Variants in SCML2 observed in about 807,000 individuals in gnomAD.
SCML2 encodes sex comb on midleg-like protein 2.
In SCML2, 6 loss-of-function variants were observed where a neutral mutation model predicts 48.4. The ratio of observed to expected loss-of-function variants is 0.12; its 90% CI spans 0.07 to 0.24. The LOEUF (loss-of-function observed/expected upper bound fraction) is 0.24, where lower values mean the gene tolerates loss of function less well. Ranked by LOEUF, SCML2 falls within the 10% of genes least tolerant of loss-of-function variation. The pLI, the probability that SCML2 is intolerant of heterozygous loss-of-function variation, is 1.00. For missense variants in SCML2, 377 were observed against 528.2 expected, an observed-to-expected ratio of 0.71 and a Z score of 2.81; for synonymous variants, 181 against 189.5, an observed-to-expected ratio of 0.95 and a Z score of 0.37.
At chrX:18,347,358 T>C (rs1335106112) in intron 1 of SCML2, among the ~76,000 whole-genome samples, 3 of 107,752 alleles carry the variant, frequency 2.8e-5, no homozygotes, top group African/African-American at 1.0e-4. Flanking sequence ...GACAGGAGAA[T>C]CGCTTGAATC....
At chrX:18,338,095 T>C (rs764792821) in intron 1 of SCML2, among the ~76,000 whole-genome samples, 12 of 112,023 alleles carry the variant, frequency 1.1e-4, no homozygotes, top group Non-Finnish European at 2.1e-4. Context: ...AATTTGTCCA[T>C]TGCAATGAAA....
intron 8 of SCML2, among the ~76,000 whole-genome samples, chrX:18,264,031 ATTCTGTTTGC>A (rs755339873): frequency 2.8e-4 from 25 of 89,817 alleles, no homozygotes; most frequent in African/African-American, 1.0e-3. Context: ...CTTTGTGCTT[ATTCTGTTTGC>A]TCTTGGCTGA....
chrX:18,302,925 TATATAAC>T (rs1384665956), intron 7 of SCML2, among the ~76,000 whole-genome samples: 1 of 111,895 alleles, frequency 8.9e-6, no homozygotes, highest in East Asian at 2.8e-4. Context: ...AACAGTGACT[TATATAAC>T]ATAGAAGTTT....
intron 1 of SCML2, among the ~76,000 whole-genome samples, chrX:18,349,003 A>G (rs757749868): frequency 6.2e-5 from 7 of 112,500 alleles, no homozygotes; most frequent in African/African-American, 2.3e-4. Flanking sequence ...ATACCAAACA[A>G]ATGGAGCTGT....
chrX:18,269,488 A>C (rs922221081), intron 7 of SCML2, among the ~76,000 whole-genome samples: 5 of 112,017 alleles, frequency 4.5e-5, no homozygotes, highest in Admixed American at 1.9e-4. Context: ...GAGTCAATTA[A>C]ACCTCCTTTA....
intron 7 of SCML2, among the ~76,000 whole-genome samples, chrX:18,288,374 AAC>A (rs1928125387): frequency 8.9e-6 from 1 of 111,877 alleles, no homozygotes; most frequent in African/African-American, 3.2e-5. Flanking sequence ...AAAAAATGAC[AAC>A]AGTGTCATTA....
chrX:18,327,208 A>T (rs1242152989), intron 3 of SCML2, among the ~76,000 whole-genome samples: 1 of 101,680 alleles, frequency 9.8e-6, no homozygotes, highest in East Asian at 3.0e-4. Flanking sequence ...CGTTTCTACT[A>T]AAAAAAAAAA....
At chrX:18,260,371 A>G in intron 8 of SCML2, 80 bp from the exon 9 acceptor site, 1 of 789,942 alleles carries the variant, frequency 1.3e-6, no homozygotes, top group Admixed American at 3.8e-5. Flanking sequence ...AGAAATTATA[A>G]ATATCATTGG....
chrX:18,260,030 T>C (rs1927003180), intron 9 of SCML2, 141 bp downstream of exon 9: 2 of 417,957 alleles, frequency 4.8e-6, no homozygotes, highest in African/African-American at 2.5e-5. Context: ...CAAAATACTT[T>C]AATATGAAAA....
chrX:18,241,617 TCAAA>T (rs1221034503), intron 14 of SCML2, among the ~76,000 whole-genome samples: 1 of 112,287 alleles, frequency 8.9e-6, no homozygotes, highest in Admixed American at 9.5e-5. Flanking sequence ...GTCCCAAGTA[TCAAA>T]CAATCTGACT....
At position 18,309,196 on chromosome X, in the gene SCML2, G is replaced by C. The variant is rs751582809; in HGVS notation, c.487-3981C>G. On this transcript the variant is annotated intron_variant, in intron 6 of 14. Transcript: ENST00000251900. ...AGCCTTGGAGACAGAATGAGACTCT[G>C]TCTCAAAAAAAAAAAAAAAAAACCC... Among the ~76,000 whole-genome samples, 5 of 74,718 alleles carry C rather than the reference G, an allele frequency of 6.7e-5. No homozygotes were observed. The South Asian group carries it at 3.1e-3, about 46-fold the overall frequency. 64.9% of individuals were successfully genotyped at this position (74,718 alleles called of 115,157 possible).
intron 1 of SCML2, among the ~76,000 whole-genome samples, chrX:18,349,511 C>A (rs1229481355): frequency 1.8e-5 from 2 of 113,055 alleles, no homozygotes; most frequent in Non-Finnish European, 1.9e-5. Context: ...CCTCTCCAGG[C>A]TGGGCGTGGT....
chrX:18,276,770 C>T (rs761517429), intron 7 of SCML2, among the ~76,000 whole-genome samples: 18 of 111,408 alleles, frequency 1.6e-4, no homozygotes, highest in Admixed American at 5.7e-4. Context: ...CTATTAATAT[C>T]TAGAATAGGT....
chrX:18,329,515 C>T (rs184151123), intron 3 of SCML2, among the ~76,000 whole-genome samples: 1 of 112,205 alleles, frequency 8.9e-6, no homozygotes, highest in East Asian at 2.8e-4. Context: ...TAGTTTGCTA[C>T]GTTATTTTTT....
At chrX:18,299,734 CTT>C (rs145767290) in intron 7 of SCML2, among the ~76,000 whole-genome samples, 16 of 96,951 alleles carry the variant, frequency 1.7e-4, no homozygotes, top group South Asian at 9.6e-4. Flanking sequence ...AAAGGGAACT[CTT>C]TTTTTTTTTT....
At chrX:18,310,396 G>A (rs1928911907) in intron 6 of SCML2, among the ~76,000 whole-genome samples, 1 of 104,873 alleles carries the variant, frequency 9.5e-6, no homozygotes, top group African/African-American at 3.5e-5. Context: ...CTCCCGAGTA[G>A]CTGGGATTAC....
chrX:18,316,850 T>A (rs1357918398), intron 6 of SCML2, among the ~76,000 whole-genome samples: 1 of 112,438 alleles, frequency 8.9e-6, no homozygotes, highest in Admixed American at 9.4e-5. Flanking sequence ...TATTGTGAAC[T>A]GCACATGCGA....
At chrX:18,316,112 A>C (rs140149051) in intron 6 of SCML2, among the ~76,000 whole-genome samples, 106 of 112,438 alleles carry the variant, frequency 9.4e-4, no homozygotes, top group African/African-American at 3.3e-3. Flanking sequence ...CAAAGGGCCA[A>C]GCACAGTGAT....
chrX:18,265,558 T>C (rs774873760), intron 8 of SCML2, 27 bp downstream of exon 8: 4 of 1,109,000 alleles, frequency 3.6e-6, no homozygotes, highest in South Asian at 1.9e-5. Context: ...AAACCTATAA[T>C]ACAAATTAGG....
Sources: allele counts gnomAD v4.1 joint callset (sites outside exome capture counted in the v4.1 genomes callset), GRCh38; gene constraint gnomAD v4.1.1; transcripts MANE v1.5; gene names NCBI Gene and HGNC (gene_info 2026-07-23, HGNC 2026-07-21).